CACNA1E: variants seen among roughly 807,000 people sequenced by gnomAD.
CACNA1E encodes voltage-dependent R-type calcium channel subunit alpha-1E.
A neutral mutation model predicts 259.2 loss-of-function variants in CACNA1E; 40 were observed. The observed-to-expected ratio is 0.15, with a 90% CI of 0.12 to 0.20. The LOEUF is 0.20. CACNA1E is among the 10% of genes least tolerant of loss of function. The probability of loss-of-function intolerance (pLI) is 1.00; values close to 1 mark genes in which losing one functional copy is unlikely to be tolerated. For missense variants in CACNA1E, 1,874 were observed against 3,040.1 expected, an observed-to-expected ratio of 0.62 and a Z score of 9.02; for synonymous variants, 1,104 against 1,138.5, an observed-to-expected ratio of 0.97 and a Z score of 0.61.
chr1:181,537,120 A>ATTTTT (rs1668237512), intron 3 of CACNA1E, among the ~76,000 whole-genome samples: 8 of 105,896 alleles, frequency 7.6e-5, no homozygotes, highest in African/African-American at 1.1e-4. Context: ...TTTTTTTGAG[A>ATTTTT]TGGAGTTTTG....
At chr1:181,427,533 A>G (rs1376308354) in intron 2 of CACNA1E, among the ~76,000 whole-genome samples, 2 of 121,898 alleles carry the variant, frequency 1.6e-5, no homozygotes, top group African/African-American at 6.5e-5. Context: ...CTCCTCCTCC[A>G]TCTCAACCCC....
chr1:181,780,887 C>T lies in CACNA1E; in HGVS notation c.5268-540C>T, dbSNP rs185208162. ...CACACACCAGAGGGGGGATACACGACGTTCTGCCTGTGGGTTCAGTGGAGA... is the reference window on the plus strand; with the variant it reads ...CACACACCAGAGGGGGGATACACGATGTTCTGCCTGTGGGTTCAGTGGAGA... On this transcript the variant is annotated intron_variant, in intron 38 of 47. Transcript: ENST00000367573. Among the ~76,000 whole-genome samples, 470 of 152,296 alleles carry T rather than the reference C, an allele frequency of 3.1e-3. 4 individuals carry two copies. Among genetic ancestry groups the T allele is most frequent in the Non-Finnish European group, 3.0e-3 (206 of 68,022 alleles).
chr1:181,640,668 C>CTTGT (rs1268019626), intron 6 of CACNA1E, among the ~76,000 whole-genome samples: 1 of 152,194 alleles, frequency 6.6e-6, no homozygotes, highest in African/African-American at 2.4e-5. Context: ...AGCGTCTGCC[C>CTTGT]TTGTAGGCTG....
Position 181,756,962 on chromosome 1 carries a change from C to A in CACNA1E, c.4165C>A (p.Arg1389=). The change falls in exon 30 of 48, where the codon CGA becomes AGA. Residue 1389 remains arginine, a synonymous_variant. Coordinates refer to ENST00000367573, the MANE Select transcript of CACNA1E (RefSeq NM_001205293.3). ...QHSVDVTEED[R]GPSRSNRMEM... ...CTCTGTAGATGTGACAGAGGAAGAC[C>A]GAGGCCCAAGCCGCAGCAACCGCAT... The A allele has an allele frequency of 6.2e-7, 1 of 1,613,616 alleles. No homozygotes were observed. Among genetic ancestry groups the A allele is most frequent in the East Asian group, 2.2e-5 (1 of 44,890 alleles).
chr1:181,673,338 G>A (rs975844646), intron 7 of CACNA1E, among the ~76,000 whole-genome samples: 29 of 152,266 alleles, frequency 1.9e-4, no homozygotes, highest in African/African-American at 6.0e-4. Flanking sequence ...GAGAAATTCC[G>A]TAGGTGGAGA....
In CACNA1E at chr1:181,468,269, G is replaced by A. The variant is rs372789722; in HGVS notation, c.435-15475G>A. Among the ~76,000 whole-genome samples the A allele has an allele frequency of 3.7e-4, 57 of 152,294 alleles. 1 individual carries two copies. In the South Asian group the frequency reaches 0.011, roughly 29 times the overall value. On this transcript the variant is annotated intron_variant, in intron 2 of 11. Coordinates refer to the CACNA1E transcript ENST00000524607. ...CGGTGACCACTGTGTCTGCCTCCACGCATTGGGTCATTGGTCTTGTCATGT... is the reference window on the plus strand; with the variant it reads ...CGGTGACCACTGTGTCTGCCTCCACACATTGGGTCATTGGTCTTGTCATGT...
intron 2 of CACNA1E, among the ~76,000 whole-genome samples, chr1:181,419,066 TC>T (rs1258613886): frequency 6.6e-6 from 1 of 152,150 alleles, no homozygotes; most frequent in African/African-American, 2.4e-5. Flanking sequence ...AGACTCTGTT[TC>T]CCCAACTGCA....
intron 1 of CACNA1E, among the ~76,000 whole-genome samples, chr1:181,493,590 C>T (rs1233667729): frequency 6.6e-6 from 1 of 152,182 alleles, no homozygotes; most frequent in Non-Finnish European, 1.5e-5. Context: ...TACTTCCTTT[C>T]ACTTGACAAT....
chr1:181,725,497 G>C (rs1654818023), intron 17 of CACNA1E, among the ~76,000 whole-genome samples: 1 of 152,228 alleles, frequency 6.6e-6, no homozygotes, highest in African/African-American at 2.4e-5. Flanking sequence ...GCTCTTATTA[G>C]CTCTAGTCAT....
chr1:181,593,720 G>A (rs1378795701), intron 6 of CACNA1E, among the ~76,000 whole-genome samples: 1 of 152,106 alleles, frequency 6.6e-6, no homozygotes, highest in African/African-American at 2.4e-5. Flanking sequence ...TGTATTTTTA[G>A]TAGAGACGGG....
At chr1:181,794,097 C>A (rs988648445) in intron 45 of CACNA1E, among the ~76,000 whole-genome samples, 2 of 152,202 alleles carry the variant, frequency 1.3e-5, no homozygotes, top group African/African-American at 4.8e-5. Context: ...ACTTCTCCAT[C>A]CTTTTTTTGT....
intron 6 of CACNA1E, among the ~76,000 whole-genome samples, chr1:181,635,864 G>A (rs1657164177): frequency 6.6e-6 from 1 of 152,184 alleles, no homozygotes; most frequent in South Asian, 2.1e-4. Context: ...GTGAAACACT[G>A]TACTAGGTAC....
intron 2 of CACNA1E, among the ~76,000 whole-genome samples, chr1:181,424,634 GC>G (rs2102209859): frequency 6.6e-6 from 1 of 152,364 alleles, no homozygotes; most frequent in Non-Finnish European, 1.5e-5. Context: ...TAACCTCTCT[GC>G]CACTCCCTTT....
rs34569867 is a variant in CACNA1E at position 181,762,675 on chromosome 1, TC to T, written c.4689+20del. On this transcript the variant is annotated intron_variant, in intron 33 of 47. Transcript: ENST00000367573. Reference sequence around the variant, plus strand: ...ACAGCAAGGTGAATGGCTTATAAGATCCATGTCTGTAAGCTTGGCCCTGGAG... The same window carrying T: ...ACAGCAAGGTGAATGGCTTATAAGATCATGTCTGTAAGCTTGGCCCTGGAG... 2.8e-5 allele frequency: 41 copies of T among 1,468,306 alleles called. No individual in the cohort carries two copies. The highest frequency in any genetic ancestry group is 3.8e-5 in the Non-Finnish European group (40 of 1,050,880). The allele number at this position is 1,468,306 out of a possible 1,614,324, so 91.0% of individuals were successfully genotyped here. A position where few individuals can be genotyped will look rare whatever the true frequency, so the allele number is the denominator to read the frequency against.
chr1:181,596,257 G>A (rs763730754), intron 6 of CACNA1E, among the ~76,000 whole-genome samples: 35 of 152,266 alleles, frequency 2.3e-4, no homozygotes, highest in Non-Finnish European at 4.4e-4. Context: ...AGGCTTTTGG[G>A]AAGCAGCCTC....
intron 2 of CACNA1E, among the ~76,000 whole-genome samples, chr1:181,413,769 G>C (rs1658056995): frequency 6.6e-6 from 1 of 152,232 alleles, no homozygotes. Context: ...TCACCACCCG[G>C]CTGTAGGCCT....
At chr1:181,733,827 C>T in intron 21 of CACNA1E, 77 bp downstream of exon 21, 1 of 1,099,330 alleles carries the variant, frequency 9.1e-7, no homozygotes, top group South Asian at 2.4e-5. Context: ...AATAAAGCCA[C>T]ATGGAAAGCA....
intron 1 of CACNA1E, among the ~76,000 whole-genome samples, chr1:181,407,623 C>A (rs1469549549): frequency 2.0e-5 from 3 of 152,214 alleles, no homozygotes; most frequent in Non-Finnish European, 4.4e-5. Context: ...CTTAGGAAGT[C>A]ATGGTAAATG....
At chr1:181,388,925 G>A (rs1395369771) in intron 1 of CACNA1E, among the ~76,000 whole-genome samples, 1 of 151,980 alleles carries the variant, frequency 6.6e-6, no homozygotes, top group Non-Finnish European at 1.5e-5. Context: ...TCTTATGGGA[G>A]CATCGTTGTA....
Sources: gnomAD v4.1 joint callset for allele counts (sites outside exome capture counted in the v4.1 genomes callset) on GRCh38, gnomAD v4.1.1 for gene constraint, MANE v1.5 for transcripts, NCBI Gene and HGNC (gene_info 2026-07-23, HGNC 2026-07-21) for gene names.